Variants in ATRX observed in about 807,000 individuals in gnomAD.
ATRX encodes ATRX chromatin remodeler, also known as chromatin remodeler ATRX.
ATRX carries 12 observed loss-of-function variants against 172.6 expected under a neutral mutation model. That is an observed-to-expected ratio of 0.07 (90% CI 0.04 to 0.11). ATRX has a LOEUF of 0.11. Among genes scored for constraint, ATRX ranks in the 10% least tolerant of loss-of-function variants. ATRX has a pLI of 1.00. For missense variants in ATRX, 1,368 were observed against 1,767.4 expected (o/e 0.77, Z 4.05); for synonymous variants, 674 against 594.7 (o/e 1.13, Z -1.94).
intron 1 of ATRX, among the ~76,000 whole-genome samples, chrX:77,720,584 G>A (rs1376252773): frequency 1.8e-5 from 2 of 111,736 alleles, no homozygotes; most frequent in African/African-American, 6.5e-5. Context: ...AGAGGAAATG[G>A]ATAAATGCCT....
chrX:77,762,124 A>G (rs2075736952), intron 1 of ATRX, among the ~76,000 whole-genome samples: 1 of 109,324 alleles, frequency 9.1e-6, no homozygotes, highest in East Asian at 2.9e-4. Context: ...AACATAATGA[A>G]ACCCCATCTC....
intron 30 of ATRX, among the ~76,000 whole-genome samples, chrX:77,539,231 A>G (rs1265929510): frequency 5.4e-5 from 6 of 111,257 alleles, no homozygotes; most frequent in African/African-American, 2.0e-4. Flanking sequence ...TTTACTACAA[A>G]GGAATAATAT....
chrX:77,729,023 G>T (rs1327193760), intron 1 of ATRX, among the ~76,000 whole-genome samples: 1 of 106,968 alleles, frequency 9.3e-6, no homozygotes, highest in Non-Finnish European at 1.9e-5. Flanking sequence ...GCCTCCCAAA[G>T]TGCTGGGATT....
chrX:77,648,624 GT>G (rs137908641), intron 15 of ATRX, among the ~76,000 whole-genome samples: 47,942 of 91,032 alleles, frequency 0.53, 11,728 homozygotes, highest in Non-Finnish European at 0.68. Flanking sequence ...CCAAAGCTGC[GT>G]TTTTTTTTTT....
rs966062043 is a variant in ATRX, at chrX:77,666,638, T to C, written c.3810-1860A>G. Among the ~76,000 whole-genome samples the C allele has an allele frequency of 8.9e-5, 10 of 112,303 alleles. No homozygotes were observed. In the Admixed American group the frequency reaches 9.4e-4, roughly 11 times the overall value. On this transcript the variant is annotated intron_variant, in intron 10 of 34. Transcript: ENST00000373344. The stretch of plus-strand genomic sequence containing the variant: ...ACTTTGGAAAGCAGAGGCAGGCAGA[T>C]CACCTGAGGTCAGGTGTACGAGACT...
At chrX:77,514,720 T>C (rs1389109877) in intron 34 of ATRX, among the ~76,000 whole-genome samples, 1 of 112,202 alleles carries the variant, frequency 8.9e-6, no homozygotes, top group African/African-American at 3.2e-5. Context: ...ATGATGAAGA[T>C]GCCAAAAGCA....
chrX:77,691,557 C>T (rs1259000549), intron 6 of ATRX, among the ~76,000 whole-genome samples: 1 of 110,966 alleles, frequency 9.0e-6, no homozygotes, highest in African/African-American at 3.3e-5. Context: ...GGGTATGATA[C>T]TGAAAATTTT....
chrX:77,537,129 G>A (rs973370693), intron 30 of ATRX, among the ~76,000 whole-genome samples: 15 of 111,745 alleles, frequency 1.3e-4, no homozygotes, highest in African/African-American at 4.9e-4. Context: ...CTCTTGTATT[G>A]AACAGTGAGT....
intron 30 of ATRX, among the ~76,000 whole-genome samples, chrX:77,524,162 G>A (rs1269336383): frequency 9.0e-6 from 1 of 111,510 alleles, no homozygotes; most frequent in Non-Finnish European, 1.9e-5. Flanking sequence ...AAAGATAGAT[G>A]GGGTGGGGGT....
At chrX:77,709,445 A>G (rs2148720523) in intron 2 of ATRX, among the ~76,000 whole-genome samples, 1 of 111,209 alleles carries the variant, frequency 9.0e-6, no homozygotes, top group South Asian at 3.7e-4. Context: ...TAAAAAAATG[A>G]ACATGTAAGA....
At chrX:77,674,165 G>C (rs2070756281) in intron 10 of ATRX, 1 of 110,906 alleles carries the variant, frequency 9.0e-6, no homozygotes, top group Non-Finnish European at 1.9e-5. Flanking sequence ...CAAAAATTAG[G>C]AAGTTAGAAA....
chrX:77,770,257 C>G (rs1221911448), intron 1 of ATRX, among the ~76,000 whole-genome samples: 3 of 109,539 alleles, frequency 2.7e-5, no homozygotes, highest in Non-Finnish European at 5.7e-5. Context: ...CGCATGCCAC[C>G]ATGCCTGGCT....
intron 1 of ATRX, among the ~76,000 whole-genome samples, chrX:77,758,729 G>A (rs1315424933): frequency 9.1e-6 from 1 of 110,229 alleles, no homozygotes; most frequent in Non-Finnish European, 1.9e-5. Flanking sequence ...CTGCACTTTA[G>A]CCTGGGTGAC....
intron 2 of ATRX, among the ~76,000 whole-genome samples, chrX:77,712,994 C>T (rs991073499): frequency 9.1e-6 from 1 of 109,357 alleles, no homozygotes; most frequent in Admixed American, 9.8e-5. Flanking sequence ...ACTAAAAATA[C>T]AAAAATTAGC....
chrX:77,705,510 T>C (rs1557156488), intron 2 of ATRX, among the ~76,000 whole-genome samples: 1 of 112,192 alleles, frequency 8.9e-6, no homozygotes, highest in Non-Finnish European at 1.9e-5. Flanking sequence ...CACAAACTAA[T>C]CTACAGACAC....
chrX:77,574,066 G>A (rs2065515270), intron 28 of ATRX, among the ~76,000 whole-genome samples, 184 bp downstream of exon 28: 1 of 111,370 alleles, frequency 9.0e-6, no homozygotes, highest in African/African-American at 3.3e-5. Context: ...AGACTCAAAA[G>A]GCTACAAATT....
chrX:77,765,790 A>T (rs908595273), intron 1 of ATRX, among the ~76,000 whole-genome samples: 1 of 108,324 alleles, frequency 9.2e-6, no homozygotes, highest in African/African-American at 3.4e-5. Flanking sequence ...GTCAGCAGAT[A>T]AACAAGTGAA....
intron 1 of ATRX, among the ~76,000 whole-genome samples, chrX:77,780,327 T>C (rs1296690218): frequency 9.1e-6 from 1 of 109,954 alleles, no homozygotes; most frequent in African/African-American, 3.3e-5. Flanking sequence ...ATTTTTTGCT[T>C]ATTTGTTTTT....
At chrX:77,573,032 C>T (rs1557068433) in intron 28 of ATRX, among the ~76,000 whole-genome samples, 2 of 111,919 alleles carry the variant, frequency 1.8e-5, no homozygotes, top group Non-Finnish European at 3.8e-5. Context: ...TCTCCTTTAT[C>T]CTTTTCTTAA....
Sources: gnomAD v4.1 joint callset for allele counts (sites outside exome capture counted in the v4.1 genomes callset) on GRCh38, gnomAD v4.1.1 for gene constraint, MANE v1.5 for transcripts, NCBI Gene and HGNC (gene_info 2026-07-23, HGNC 2026-07-21) for gene names.